Variants in PRKCE observed in about 807,000 individuals in gnomAD.
The protein encoded by PRKCE is protein kinase C epsilon.
PRKCE carries 16 observed loss-of-function variants against 85.4 expected under a neutral mutation model. The observed-to-expected ratio is 0.19, with a 90% CI of 0.13 to 0.28. The LOEUF (loss-of-function observed/expected upper bound fraction) is 0.28, where lower values mean the gene tolerates loss of function less well. PRKCE is among the 10% of genes least tolerant of loss of function. The pLI, the probability that PRKCE is intolerant of heterozygous loss-of-function variation, is 1.00. For missense variants in PRKCE, 573 were observed against 975.2 expected (o/e 0.59, Z 5.49); for synonymous variants, 388 against 371.5 (o/e 1.04, Z -0.51).
At chr2:45,653,380 T>TTTTTTTTTTTG in intron 1 of PRKCE, among the ~76,000 whole-genome samples, 1 of 141,858 alleles carries the variant, frequency 7.0e-6, no homozygotes, top group African/African-American at 2.6e-5. Context: ...GTTTTTTTTT[T>TTTTTTTTTTTG]TTTTTTTTTT....
intron 2 of PRKCE, among the ~76,000 whole-genome samples, chr2:45,950,585 G>T (rs190566659): frequency 1.3e-5 from 2 of 152,230 alleles, no homozygotes; most frequent in East Asian, 3.9e-4. Flanking sequence ...GTTTATGCTC[G>T]ACTGTGCCCC....
intron 11 of PRKCE, among the ~76,000 whole-genome samples, chr2:46,102,455 G>A (rs1671333265): frequency 6.6e-6 from 1 of 152,158 alleles, no homozygotes; most frequent in South Asian, 2.1e-4. Context: ...ATAGAACAGA[G>A]AGTTGCCACA....
At chr2:45,654,485 G>A (rs1675287815) in intron 1 of PRKCE, among the ~76,000 whole-genome samples, 2 of 152,330 alleles carry the variant, frequency 1.3e-5, no homozygotes, top group South Asian at 4.1e-4. Flanking sequence ...ACAAGCAAAG[G>A]TGGGTTGGAA....
intron 2 of PRKCE, among the ~76,000 whole-genome samples, chr2:45,844,157 T>C (rs2345627): frequency 1.3e-5 from 2 of 152,218 alleles, no homozygotes; most frequent in Non-Finnish European, 2.9e-5. Context: ...ATGATTTCCA[T>C]TCAGCTAATT....
chr2:45,689,794 G>A (rs1360247860), intron 1 of PRKCE, among the ~76,000 whole-genome samples: 1 of 151,644 alleles, frequency 6.6e-6, no homozygotes, highest in Admixed American at 6.6e-5. Flanking sequence ...TACTTGGGAG[G>A]TGGAGGCAGG....
chr2:46,110,691 A>G (rs971321232), intron 11 of PRKCE, among the ~76,000 whole-genome samples: 2 of 150,110 alleles, frequency 1.3e-5, no homozygotes, highest in Non-Finnish European at 3.0e-5. Flanking sequence ...TTTACATTTC[A>G]TTAATTTATG....
rs116822052 is a variant in PRKCE, at chr2:45,907,880, G to A, written c.412+64817G>A. ...TGCCGAGTGCTGAGAACAGTGCCTG[G>A]TATCTATGTTAAACAAAACGCCTTG... On this transcript the variant is annotated intron_variant, in intron 2 of 14. Transcript: ENST00000306156. This position sits in a 1 kb window ranked among gnomAD's most constrained non-coding sequence, Gnocchi z 4.5. Among the ~76,000 whole-genome samples the A allele has an allele frequency of 6.6e-6, 1 of 152,268 alleles. No individual in the cohort carries two copies. The highest frequency in any genetic ancestry group is 2.4e-5 in the African/African-American group (1 of 41,544).
intron 2 of PRKCE, among the ~76,000 whole-genome samples, chr2:45,864,471 A>G (rs1384403540): frequency 6.8e-6 from 1 of 147,084 alleles, no homozygotes; most frequent in Non-Finnish European, 1.5e-5. Context: ...TGAAAGAAAC[A>G]TAAAACATTG....
intron 1 of PRKCE, among the ~76,000 whole-genome samples, chr2:45,695,637 A>G (rs1203497595): frequency 6.6e-6 from 1 of 152,112 alleles, no homozygotes; most frequent in Non-Finnish European, 1.5e-5. Flanking sequence ...GCCGGGTGTG[A>G]TGGTATGTGC....
chr2:45,993,547 C>G (rs1241556107), intron 6 of PRKCE, among the ~76,000 whole-genome samples: 3 of 152,196 alleles, frequency 2.0e-5, no homozygotes, highest in South Asian at 2.1e-4. Flanking sequence ...CCTGCCAGCC[C>G]AAGTTGTTTT....
At chr2:45,844,628 C>T (rs914814596) in intron 2 of PRKCE, among the ~76,000 whole-genome samples, 8 of 152,116 alleles carry the variant, frequency 5.3e-5, no homozygotes, top group Non-Finnish European at 1.2e-4. Flanking sequence ...TAGACACTGG[C>T]GAAACATTTG....
At chr2:45,806,374 A>T (rs1207020535) in intron 1 of PRKCE, among the ~76,000 whole-genome samples, 1 of 152,100 alleles carries the variant, frequency 6.6e-6, no homozygotes, top group Non-Finnish European at 1.5e-5. Flanking sequence ...CTCTTCTTTC[A>T]CTTGATTCAT....
chr2:45,990,438 C>G (rs1367926964), intron 6 of PRKCE, among the ~76,000 whole-genome samples: 1 of 152,186 alleles, frequency 6.6e-6, no homozygotes, highest in Non-Finnish European at 1.5e-5. Context: ...AGCATGAACA[C>G]TATGAGGCAG....
chr2:46,119,187 A>T, intron 11 of PRKCE, among the ~76,000 whole-genome samples: 1 of 152,194 alleles, frequency 6.6e-6, no homozygotes, highest in Non-Finnish European at 1.5e-5. Flanking sequence ...GTAATGGAAA[A>T]AAAACAACCA....
intron 1 of PRKCE, among the ~76,000 whole-genome samples, chr2:45,794,848 C>CG (rs964401907): frequency 3.5e-5 from 5 of 144,042 alleles, no homozygotes; most frequent in South Asian, 2.2e-4. Flanking sequence ...TTGCCCTACC[C>CG]CCCCCCCCAT....
At chr2:45,751,060 G>A (rs766929717) in intron 1 of PRKCE, among the ~76,000 whole-genome samples, 14 of 152,140 alleles carry the variant, frequency 9.2e-5, no homozygotes, top group African/African-American at 2.4e-4. Context: ...GCCTGCTACC[G>A]CTCTGGACCA....
chr2:45,830,379 C>T (rs1215474701), intron 1 of PRKCE, among the ~76,000 whole-genome samples: 1 of 151,960 alleles, frequency 6.6e-6, no homozygotes, highest in African/African-American at 2.4e-5. Flanking sequence ...AATAGGAAGG[C>T]ATTTCTGGAA....
intron 10 of PRKCE, among the ~76,000 whole-genome samples, chr2:46,029,536 T>C (rs764890713): frequency 6.6e-6 from 1 of 152,084 alleles, no homozygotes; most frequent in Non-Finnish European, 1.5e-5. Flanking sequence ...CTTTGTGAAA[T>C]GAAAAGGCCT....
intron 2 of PRKCE, among the ~76,000 whole-genome samples, chr2:45,903,932 C>G (rs1170067506): frequency 2.1e-5 from 3 of 140,430 alleles, no homozygotes; most frequent in Non-Finnish European, 4.6e-5. Context: ...TTGGCAGGGT[C>G]TCACTCTGTT....
Sources: gnomAD v4.1 joint callset for allele counts (sites outside exome capture counted in the v4.1 genomes callset) on GRCh38, gnomAD v4.1.1 for gene constraint, Gnocchi (gnomAD v3.1) non-coding constraint, MANE v1.5 for transcripts, NCBI Gene and HGNC (gene_info 2026-07-23, HGNC 2026-07-21) for gene names.